The following CEP85L variants were observed in gnomAD, a reference collection of about 807,000 sequenced individuals.
CEP85L encodes centrosomal protein of 85 kDa-like.
CEP85L carries 60 observed loss-of-function variants against 100.3 expected under a neutral mutation model. That is an observed-to-expected ratio of 0.60 (90% CI 0.49 to 0.74). The LOEUF (loss-of-function observed/expected upper bound fraction) is 0.74, where lower values mean the gene tolerates loss of function less well. Ranked by LOEUF, CEP85L falls within the 30% of genes least tolerant of loss-of-function variation. CEP85L has a pLI of 0.00. For synonymous variants in CEP85L, 319 were observed against 322.7 expected (o/e 0.99, Z 0.12); for missense variants, 973 against 936.2 (o/e 1.04, Z -0.51).
intron 3 of CEP85L, chr6:118,537,702 A>C: frequency 1.0e-6 from 1 of 985,400 alleles, no homozygotes; most frequent in South Asian, 4.7e-5. Flanking sequence ...AGCTGAAAAT[A>C]GTTCAAAATT....
chr6:118,600,198 G>T, intron 2 of CEP85L, among the ~76,000 whole-genome samples: 1 of 151,468 alleles, frequency 6.6e-6, no homozygotes, highest in Non-Finnish European at 1.5e-5. Context: ...CTCCGTTCTT[G>T]ACTTGCCTCC....
chr6:118,514,539 A>G lies in CEP85L; in HGVS notation c.1140-3124T>C, dbSNP rs111524857. ...GACACTGTCTCAAAAAAAAAAAAAA[A>G]AAAAGAAAACAAATACCAATATAGG... is the stretch of plus-strand genomic sequence containing the variant. On this transcript the variant is annotated intron_variant, in intron 4 of 12. Coordinates refer to ENST00000368491, the MANE Select transcript of CEP85L (RefSeq NM_001042475.3). Among the ~76,000 whole-genome samples, 6 of 105,284 alleles carry G rather than the reference A, an allele frequency of 5.7e-5. No homozygotes were observed. The South Asian group carries it at 1.1e-3, about 20-fold the overall frequency. The allele number at this position is 105,284 out of a possible 152,430, so 69.1% of individuals were successfully genotyped here. A position where few individuals can be genotyped will look rare whatever the true frequency, so the allele number is the denominator to read the frequency against.
At chr6:118,477,506 T>C (rs1187841955) in intron 10 of CEP85L, among the ~76,000 whole-genome samples, 1 of 152,146 alleles carries the variant, frequency 6.6e-6, no homozygotes, top group Non-Finnish European at 1.5e-5. Context: ...AATGCCCTAT[T>C]TTTTATCTCC....
chr6:118,490,000 C>T (rs1361935626), intron 6 of CEP85L, among the ~76,000 whole-genome samples: 2 of 151,796 alleles, frequency 1.3e-5, no homozygotes, highest in East Asian at 1.9e-4. Flanking sequence ...CACACACGCA[C>T]ACACACACAC....
intron 5 of CEP85L, among the ~76,000 whole-genome samples, chr6:118,505,409 C>CAAAAAAAAAAAAAAAAAAAAAAAA (rs56893664): frequency 2.8e-5 from 2 of 71,824 alleles, no homozygotes; most frequent in African/African-American, 1.1e-4. Flanking sequence ...TCACTGTACT[C>CAAAAAAAAAAAAAAAAAAAAAAAA]AAAAAAAAAA....
chr6:118,647,337 G>C (rs1157723510), intron 1 of CEP85L, among the ~76,000 whole-genome samples: 1 of 152,136 alleles, frequency 6.6e-6, no homozygotes. Context: ...ACCTCAAAAT[G>C]TTTTAAGAGT....
intron 1 of CEP85L, among the ~76,000 whole-genome samples, chr6:118,692,336 A>G (rs1432417572): frequency 6.6e-6 from 1 of 152,172 alleles, no homozygotes; most frequent in Non-Finnish European, 1.5e-5. Context: ...ATTCTGCCTC[A>G]GTTGAACTAA....
intron 4 of CEP85L, among the ~76,000 whole-genome samples, chr6:118,522,103 G>C (rs1187447244): frequency 6.6e-6 from 1 of 152,140 alleles, no homozygotes; most frequent in Non-Finnish European, 1.5e-5. Context: ...GCTCACACCT[G>C]TAATCCCAGC....
chr6:118,526,238 A>G (rs1776955707), intron 3 of CEP85L, among the ~76,000 whole-genome samples: 1 of 152,182 alleles, frequency 6.6e-6, no homozygotes, highest in Non-Finnish European at 1.5e-5. Context: ...CTGTTAGAAT[A>G]CTGAAGTAGT....
At chr6:118,508,997 A>G (rs1456488918) in intron 5 of CEP85L, among the ~76,000 whole-genome samples, 1 of 152,084 alleles carries the variant, frequency 6.6e-6, no homozygotes, top group Non-Finnish European at 1.5e-5. Context: ...TATATTTATC[A>G]TACCCATTTA....
intron 2 of CEP85L, among the ~76,000 whole-genome samples, chr6:118,620,946 T>C (rs1773400765): frequency 6.6e-6 from 1 of 152,140 alleles, no homozygotes; most frequent in African/African-American, 2.4e-5. Flanking sequence ...ACTACACGAA[T>C]ACGGGGGACA....
intron 2 of CEP85L, among the ~76,000 whole-genome samples, chr6:118,574,861 T>C (rs1780126126): frequency 6.6e-6 from 1 of 152,110 alleles, no homozygotes; most frequent in African/African-American, 2.4e-5. Context: ...TCACCTGATA[T>C]GCCTTAGGGT....
Position 118,519,432 on chromosome 6 carries a change from C to CTGTGTGTGTGTGTG in CEP85L, c.1139+4356_1139+4369dup, listed in dbSNP as rs546998242. ...CCAGTCTGGGTGACAGAGCAAAACT[C>CTGTGTGTGTGTGTG]TGTGTGTGTGTGTGTGTGTGTGTGT... On this transcript the variant is annotated intron_variant, in intron 4 of 12. Coordinates refer to ENST00000368491, the MANE Select transcript of CEP85L (RefSeq NM_001042475.3). Among the ~76,000 whole-genome samples the CTGTGTGTGTGTGTG allele has an allele frequency of 7.5e-4, 18 of 23,972 alleles. 1 individual carries two copies. The highest frequency in any genetic ancestry group is 8.5e-4 in the Non-Finnish European group (12 of 14,146). 15.7% of individuals were successfully genotyped at this position (23,972 alleles called of 152,430 possible). A position where few individuals can be genotyped will look rare whatever the true frequency, so the allele number is the denominator to read the frequency against.
intron 3 of CEP85L, among the ~76,000 whole-genome samples, chr6:118,543,607 C>G (rs1344816697): frequency 6.6e-6 from 1 of 152,158 alleles, no homozygotes; most frequent in East Asian, 1.9e-4. Flanking sequence ...CAAAACAGGG[C>G]TTCTCCCCAC....
At chr6:118,696,635 G>A (rs1380687054) in intron 1 of CEP85L, among the ~76,000 whole-genome samples, 1 of 152,230 alleles carries the variant, frequency 6.6e-6, no homozygotes, top group Non-Finnish European at 1.5e-5. Flanking sequence ...AACATTTGCA[G>A]AGTGGATTAT....
chr6:118,519,076 T>C (rs1238914775), intron 4 of CEP85L, among the ~76,000 whole-genome samples: 2 of 152,268 alleles, frequency 1.3e-5, no homozygotes, highest in East Asian at 1.9e-4. Flanking sequence ...TCTAATTTGA[T>C]TGCACTGTGG....
chr6:118,549,616 A>G (rs1255227398), intron 3 of CEP85L, among the ~76,000 whole-genome samples: 1 of 151,848 alleles, frequency 6.6e-6, no homozygotes, highest in Non-Finnish European at 1.5e-5. Flanking sequence ...ATTTTTGTCT[A>G]CCACTGAGGT....
At chr6:118,656,665 T>C (rs1449556873), upstream of CEP85L, 1 of 152,244 alleles carries the variant, frequency 6.6e-6, no homozygotes, top group Non-Finnish European at 1.5e-5. Context: ...GTACATATTT[T>C]GGGCATATAT....
chr6:118,680,453 T>C (rs899647061), intron 1 of CEP85L, among the ~76,000 whole-genome samples: 11 of 151,926 alleles, frequency 7.2e-5, no homozygotes, highest in African/African-American at 2.7e-4. Flanking sequence ...ATCATTTTAG[T>C]TTATGCATCA....
Sources: allele counts gnomAD v4.1 joint callset (sites outside exome capture counted in the v4.1 genomes callset), GRCh38; gene constraint gnomAD v4.1.1; transcripts MANE v1.5; gene names NCBI Gene and HGNC (gene_info 2026-07-23, HGNC 2026-07-21).